Variants in CLEC18B observed in about 807,000 individuals in gnomAD.
CLEC18B encodes the protein mannose receptor-like 2.
In CLEC18B, 5 loss-of-function variants were observed where a neutral mutation model predicts 60.4. The ratio of observed to expected loss-of-function variants is 0.08; its 90% CI spans 0.04 to 0.17. The LOEUF (loss-of-function observed/expected upper bound fraction) is 0.17. CLEC18B is among the 10% of genes least tolerant of loss of function. The probability of loss-of-function intolerance (pLI) is 1.00; values close to 1 mark genes in which losing one functional copy is unlikely to be tolerated. For synonymous variants in CLEC18B, 16 were observed against 221.2 expected (o/e 0.07, Z 8.23); for missense variants, 26 against 572.8 (o/e 0.05, Z 9.74).
chr16:74,423,652 G>A (rs2013753444), upstream of CLEC18B, among the ~76,000 whole-genome samples: 1 of 151,816 alleles, frequency 6.6e-6, no homozygotes, highest in South Asian at 2.1e-4. Flanking sequence ...TGGCACCATT[G>A]CACTCCATCC....
chr16:74,418,966 G>T (rs981017831), intron 2 of CLEC18B, among the ~76,000 whole-genome samples: 2 of 152,210 alleles, frequency 1.3e-5, no homozygotes, highest in African/African-American at 4.8e-5. Flanking sequence ...GCTAATTTTT[G>T]TATTTTTAGT....
intron 1 of CLEC18B, among the ~76,000 whole-genome samples, chr16:74,420,907 G>A (rs1209116072): frequency 1.7e-5 from 2 of 121,158 alleles, no homozygotes; most frequent in Non-Finnish European, 3.5e-5. Context: ...CAGCCACAGC[G>A]CTCCTCGGCG....
chr16:74,413,860 A>G (rs1441078199), intron 3 of CLEC18B, among the ~76,000 whole-genome samples, 184 bp from the exon 4 acceptor site: 4 of 137,258 alleles, frequency 2.9e-5, no homozygotes, highest in African/African-American at 1.4e-4. Flanking sequence ...TTATTTATTT[A>G]TTTATTTATT....
At chr16:74,413,881 T>TTTATTTAC (rs879485527) in intron 3 of CLEC18B, among the ~76,000 whole-genome samples, 430 of 151,760 alleles carry the variant, frequency 2.8e-3, no homozygotes, top group African/African-American at 1.0e-2. Flanking sequence ...TATTTATTTA[T>TTTATTTAC]TTATTTTTGA....
At chr16:74,420,905 G>GC in intron 1 of CLEC18B, among the ~76,000 whole-genome samples, 1 of 121,306 alleles carries the variant, frequency 8.2e-6, no homozygotes, top group Non-Finnish European at 1.8e-5. Context: ...CCCAGCCACA[G>GC]CGCTCCTCGG....
intron 2 of CLEC18B, among the ~76,000 whole-genome samples, chr16:74,419,237 TGGATGCAGGGAGGGGGGCCCCTCGGG>T (rs1308990966): frequency 3.7e-4 from 57 of 152,248 alleles, no homozygotes; most frequent in Admixed American, 4.6e-4. Context: ...AAGCACAGAG[TGGATGCAGGGAGGGGGGCCCCTCGGG>T]GCTGCACCCC....
intron 3 of CLEC18B, among the ~76,000 whole-genome samples, chr16:74,416,195 G>A (rs376553241): frequency 2.0e-5 from 3 of 149,462 alleles, no homozygotes; most frequent in Non-Finnish European, 3.0e-5. Flanking sequence ...CCCAGGAGGC[G>A]GAGCTTGCAG....
upstream of CLEC18B, chr16:74,421,617 A>G (rs1217570744): frequency 4.0e-6 from 2 of 500,030 alleles, no homozygotes; most frequent in Non-Finnish European, 6.8e-6. Flanking sequence ...GCCCCCAGAG[A>G]CCCCGCTGAT....
At chr16:74,410,362 C>A (rs1328522019) in intron 10 of CLEC18B, among the ~76,000 whole-genome samples, 174 bp downstream of exon 10, 1 of 151,852 alleles carries the variant, frequency 6.6e-6, no homozygotes, top group Non-Finnish European at 1.5e-5. Flanking sequence ...CTTGCATCTC[C>A]CTCACCCCAC....
chr16:74,423,492 C>T (rs1226952203), upstream of CLEC18B, among the ~76,000 whole-genome samples: 3 of 152,284 alleles, frequency 2.0e-5, no homozygotes, highest in Non-Finnish European at 4.4e-5. Flanking sequence ...AGCTTGAGAC[C>T]AGCCTGGCCA....
intron 3 of CLEC18B, among the ~76,000 whole-genome samples, chr16:74,414,246 G>C (rs1403307444): frequency 6.6e-6 from 1 of 152,414 alleles, no homozygotes; most frequent in South Asian, 2.1e-4. Context: ...TTGTTGATGG[G>C]TGGAGGGGAG....
chr16:74,410,209 C>G (rs536881721), intron 10 of CLEC18B, among the ~76,000 whole-genome samples: 2 of 152,418 alleles, frequency 1.3e-5, no homozygotes, highest in East Asian at 3.8e-4. Context: ...ATCAGTGTAA[C>G]TGATGCAGGC....
intron 2 of CLEC18B, among the ~76,000 whole-genome samples, chr16:74,419,152 A>C (rs1169032109): frequency 6.6e-6 from 1 of 152,272 alleles, no homozygotes; most frequent in Non-Finnish European, 1.5e-5. Flanking sequence ...GACTTGGTGC[A>C]GTCCCCTGAT....
At chr16:74,418,820 G>A (rs1325046487) in intron 2 of CLEC18B, among the ~76,000 whole-genome samples, 2 of 129,018 alleles carry the variant, frequency 1.6e-5, no homozygotes, top group Non-Finnish European at 3.1e-5. Context: ...TTGAGACAGA[G>A]TCTCACCCTG....
At chr16:74,411,194 C>T (rs1342012048) in intron 8 of CLEC18B, among the ~76,000 whole-genome samples, 160 bp from the exon 9 acceptor site, 1 of 152,300 alleles carries the variant, frequency 6.6e-6, no homozygotes. Context: ...GGGGTCCCTT[C>T]TGCTCCCGTC....
intron 3 of CLEC18B, among the ~76,000 whole-genome samples, chr16:74,416,339 T>C (rs2013414351): frequency 6.6e-6 from 1 of 152,070 alleles, no homozygotes. Context: ...ACAGTTGGCG[T>C]AAGCACTTTG....
At position 74,413,063 on chromosome 16, in the gene CLEC18B, G is replaced by T; in HGVS notation, c.650C>A (p.Ala217Asp). ...CTASVSGCFK[A>D]WDHAGGLCEV... ...ACAGAGCCCCCCTGCATGGTCCCAG[G>T]CTTTGAAGCAGCCTGAGACACTGGC... Residue 217 changes from alanine to aspartate, a missense_variant, in exon 5 of 12, where the codon GCC becomes GAC. Transcript: ENST00000682950. 1 of 1,612,124 alleles carries T rather than the reference G, an allele frequency of 6.2e-7. No individual in the cohort carries two copies. Among genetic ancestry groups the T allele is most frequent in the Non-Finnish European group, 8.5e-7 (1 of 1,179,866 alleles).
chr16:74,420,146 G>A (rs903772896), intron 2 of CLEC18B, among the ~76,000 whole-genome samples: 1 of 150,834 alleles, frequency 6.6e-6, no homozygotes, highest in Non-Finnish European at 1.5e-5. Context: ...TGGCCCGGCC[G>A]CCCATCCTGC....
rs2013686394 is a variant in CLEC18B, at chr16:74,421,469, A to G, written c.-199T>C. ...CAGACAGCCTCCTGTTGGCGCTGGC[A>G]TGAAAAGAGACAACTCCCGGGGATG... On this transcript the variant is annotated 5_prime_UTR_variant, in exon 1 of 12. The change abolishes an upstream ATG in the 5' untranslated region. Transcript: ENST00000682950. The G allele has an allele frequency of 1.1e-5, 8 of 706,574 alleles. No individual in the cohort carries two copies. Among genetic ancestry groups the G allele is most frequent in the Non-Finnish European group, 1.8e-5 (8 of 437,890 alleles). 43.8% of individuals were successfully genotyped at this position (706,574 alleles called of 1,614,324 possible).
Sources: allele counts gnomAD v4.1 joint callset (sites outside exome capture counted in the v4.1 genomes callset), GRCh38; gene constraint gnomAD v4.1.1; transcripts MANE v1.5; gene names NCBI Gene and HGNC (gene_info 2026-07-23, HGNC 2026-07-21).